Variants in REV3L observed in about 807,000 individuals in gnomAD.
REV3L encodes REV3 like, DNA directed polymerase zeta catalytic subunit.
In REV3L, 69 loss-of-function variants were observed where a neutral mutation model predicts 299.4. The ratio of observed to expected loss-of-function variants is 0.23; its 90% CI spans 0.19 to 0.28. The LOEUF (loss-of-function observed/expected upper bound fraction) is 0.28. Ranked by LOEUF, REV3L falls within the 10% of genes least tolerant of loss-of-function variation. The pLI is 1.00. For synonymous variants in REV3L, 1,238 were observed against 1,271.4 expected (o/e 0.97, Z 0.56); for missense variants, 3,128 against 3,693.8 (o/e 0.85, Z 3.97).
At chr6:111,425,719 G>C (rs1422613668) in intron 1 of REV3L, among the ~76,000 whole-genome samples, 1 of 151,986 alleles carries the variant, frequency 6.6e-6, no homozygotes, top group Admixed American at 6.5e-5. Flanking sequence ...AGAAGCCAAG[G>C]TGTTGGACTT....
At chr6:111,472,175 C>T (rs1792299793) in intron 1 of REV3L, 2 of 1,244,260 alleles carry the variant, frequency 1.6e-6, no homozygotes, top group Non-Finnish European at 2.1e-6. Flanking sequence ...TTTTCTTGTT[C>T]TGAGAAACTG....
rs1772868056 is a variant in REV3L, at chr6:111,310,615, A to AGT, written c.8795+452_8795+453dup. ...AGCTGTGATTGCACCACTGCTTTCC[A>AGT]GTCTGGGCGACAGAGTGAGACCCTG... On this transcript the variant is annotated intron_variant, in intron 29 of 31. Coordinates refer to ENST00000368802, the MANE Select transcript of REV3L (RefSeq NM_001372078.1). 1.9e-5 allele frequency: 3 copies of AGT among 155,678 alleles called. No individual in the cohort carries two copies. In the Admixed American group the frequency reaches 1.9e-4, roughly 10 times the overall value. The allele number at this position is 155,678 out of a possible 1,614,324, so 9.6% of individuals were successfully genotyped here.
At chr6:111,364,527 T>C (rs1178700254) in intron 15 of REV3L, among the ~76,000 whole-genome samples, 1 of 152,036 alleles carries the variant, frequency 6.6e-6, no homozygotes, top group African/African-American at 2.4e-5. Flanking sequence ...CCCCAAAGTG[T>C]TATGTTCACA....
At chr6:111,345,530 T>C (rs1403965553) in intron 20 of REV3L, among the ~76,000 whole-genome samples, 2 of 152,126 alleles carry the variant, frequency 1.3e-5, no homozygotes, top group African/African-American at 4.8e-5. Context: ...TCTCTAATGA[T>C]TTTGTCCTCC....
intron 25 of REV3L, among the ~76,000 whole-genome samples, chr6:111,325,302 T>C (rs1050773531): frequency 6.6e-6 from 1 of 152,246 alleles, no homozygotes; most frequent in Admixed American, 6.5e-5. Context: ...AATAATTTAG[T>C]AGAAAACTGT....
chr6:111,429,658 G>T lies in REV3L; in HGVS notation c.140-13186C>A, dbSNP rs558162062. Among the ~76,000 whole-genome samples, 10 of 152,276 alleles carry T rather than the reference G, an allele frequency of 6.6e-5. No individual in the cohort carries two copies. In the East Asian group the frequency reaches 1.9e-3, roughly 29 times the overall value. The stretch of plus-strand genomic sequence containing the variant: ...ACACAACATAGTGTCAAAATGTGGG[G>T]GGCGGGGTGGGGTGGAGTTATAGGA... On this transcript the variant is annotated intron_variant, in intron 1 of 31. Coordinates refer to ENST00000368802, the MANE Select transcript of REV3L (RefSeq NM_001372078.1).
Position 111,405,449 on chromosome 6 carries a change from TTGAC to T in REV3L, c.565+17_565+20del. The T allele has an allele frequency of 6.4e-7, 1 of 1,569,454 alleles. No individual in the cohort carries two copies. Among genetic ancestry groups the T allele is most frequent in the Non-Finnish European group, 8.6e-7 (1 of 1,158,914 alleles). On this transcript the variant is annotated intron_variant, in intron 4 of 31. Transcript: ENST00000368802. ...AACTTTAATTTGACAAAAATTTAAT[TTGAC>T]TGAAAATTAACCTTACTTTTCCTTC...
chr6:111,477,946 A>G (rs571564494), intron 1 of REV3L, among the ~76,000 whole-genome samples: 43 of 152,328 alleles, frequency 2.8e-4, no homozygotes, highest in South Asian at 6.2e-4. Context: ...GACGGATTCA[A>G]AAGACAACCA....
rs770950318 is a variant in REV3L, at chr6:111,374,120, T to C, written c.4235A>G (p.Asp1412Gly). Residue 1412 changes from aspartate (D) to glycine (G), a missense_variant, in exon 13 of 32, where the codon GAC becomes GGC. Physicochemically the swap from Asp to Gly is moderately conservative, Grantham distance 94. This residue lies in a region of REV3L where 2,409 missense variants were observed against 2,611.8 expected (regional missense o/e 0.92). Transcript: ENST00000368802. ...CAAAAAATTAGGGGTATATGCTTGG[T>C]CCAGCTTTGATTCTAGGGAATTGCG... ...EYRNSLESKLDQAYTPNFLHC... is the reference protein window; with the variant it reads ...EYRNSLESKLGQAYTPNFLHC... 3 of 1,614,032 alleles carry C rather than the reference T, an allele frequency of 1.9e-6. No homozygotes were observed. The highest frequency in any genetic ancestry group is 2.5e-6 in the Non-Finnish European group (3 of 1,179,996).
In REV3L at chr6:111,483,154, G is replaced by T. The variant is rs1793982568; in HGVS notation, c.-266C>A. 4.1e-6 allele frequency: 2 copies of T among 488,794 alleles called. No homozygotes were observed. The highest frequency in any genetic ancestry group is 4.3e-5 in the Admixed American group (1 of 23,036). The allele number at this position is 488,794 out of a possible 1,614,324, so 30.3% of individuals were successfully genotyped here. On this transcript the variant is annotated 5_prime_UTR_variant, in exon 1 of 32. Coordinates refer to ENST00000368802, the MANE Select transcript of REV3L (RefSeq NM_001372078.1). The stretch of plus-strand genomic sequence containing the variant: ...TGGTGCTGCCGCCACTGCCGCCACC[G>T]CCGGGAATCACACGGGCTCCTCGGT...
intron 10 of REV3L, among the ~76,000 whole-genome samples, chr6:111,380,950 C>A (rs866487879): frequency 1.3e-5 from 2 of 152,204 alleles, no homozygotes; most frequent in Non-Finnish European, 2.9e-5. Context: ...GACCATGGCC[C>A]TAGCCACCCG....
At chr6:111,342,357 G>A (rs930463265) in intron 21 of REV3L, among the ~76,000 whole-genome samples, 1 of 152,072 alleles carries the variant, frequency 6.6e-6, no homozygotes, top group Non-Finnish European at 1.5e-5. Flanking sequence ...CAGGAGTGCT[G>A]AGCAAACCCC....
rs962541319 is a variant in REV3L at position 111,367,583 on chromosome 6, C to T, written c.6205G>A (p.Asp2069Asn). 2 of 1,613,956 alleles carry T rather than the reference C, an allele frequency of 1.2e-6. No homozygotes were observed. Among genetic ancestry groups the T allele is most frequent in the African/African-American group, 1.3e-5 (1 of 74,920 alleles). ...ILPTTAHTKE[D>N]VDNSQIALQA... ...AAAGCAATCTGAGAATTATCAACAT[C>T]CTCCTTGGTATGTGCTGTAGTGGGG... The change falls in exon 14 of 32, where the codon GAT (aspartate) becomes AAT (asparagine). Residue 2069 changes from aspartate to asparagine, a missense_variant. By Grantham distance (23) the Asp-to-Asn change is conservative. Around this residue, in one of 9 missense-constraint regions of REV3L, gnomAD observed 2,409 missense variants for 2,611.8 expected, o/e 0.92. Transcript: ENST00000368802.
At chr6:111,449,669 C>T (rs1419719442) in intron 1 of REV3L, among the ~76,000 whole-genome samples, 1 of 152,058 alleles carries the variant, frequency 6.6e-6, no homozygotes, top group Non-Finnish European at 1.5e-5. Context: ...TTGTTCTGTT[C>T]CCACCCAACT....
At position 111,447,568 on chromosome 6, in the gene REV3L, G is replaced by A. The variant is rs73765970; in HGVS notation, c.140-31096C>T. Among the ~76,000 whole-genome samples, 244 of 152,292 alleles carry A rather than the reference G, an allele frequency of 1.6e-3. 4 individuals carry two copies. The highest frequency in any genetic ancestry group is 5.3e-3 in the African/African-American group (221 of 41,564). On this transcript the variant is annotated intron_variant, in intron 1 of 31. Coordinates refer to ENST00000368802, the MANE Select transcript of REV3L (RefSeq NM_001372078.1). Reference sequence around the variant, plus strand: ...AAAATTCACTTTACGTCAGGGGTTGGCATAAGGTATAACAGGACAAATGGC... The same window carrying A: ...AAAATTCACTTTACGTCAGGGGTTGACATAAGGTATAACAGGACAAATGGC...
At chr6:111,405,288 T>C (rs546499230) in intron 4 of REV3L, 182 bp downstream of exon 4, 2 of 435,464 alleles carry the variant, frequency 4.6e-6, no homozygotes, top group Non-Finnish European at 3.9e-6. Flanking sequence ...CCAAAAAAAA[T>C]TTTTTCTGAG....
intron 16 of REV3L, among the ~76,000 whole-genome samples, chr6:111,362,270 C>T (rs1778768038): frequency 6.6e-6 from 1 of 152,006 alleles, no homozygotes; most frequent in Non-Finnish European, 1.5e-5. Context: ...ATGTTCCAAT[C>T]TAATTCTAAA....
At chr6:111,434,801 TA>T (rs1787360912) in intron 1 of REV3L, among the ~76,000 whole-genome samples, 1 of 151,264 alleles carries the variant, frequency 6.6e-6, no homozygotes, top group African/African-American at 2.4e-5. Context: ...ACCAAAGAAG[TA>T]AAATATCTCT....
At chr6:111,409,642 G>T (rs1209106716) in intron 3 of REV3L, among the ~76,000 whole-genome samples, 1 of 152,064 alleles carries the variant, frequency 6.6e-6, no homozygotes, top group African/African-American at 2.4e-5. Flanking sequence ...TCTCTAAGAA[G>T]GTAAGGCCTG....
Sources: allele counts gnomAD v4.1 joint callset (sites outside exome capture counted in the v4.1 genomes callset), GRCh38; gene constraint gnomAD v4.1.1; regional missense constraint gnomAD v4.1.1; transcripts MANE v1.5; gene names NCBI Gene and HGNC (gene_info 2026-07-23, HGNC 2026-07-21).